The following DPP8 variants were observed in gnomAD, a reference collection of about 807,000 sequenced individuals.
The protein encoded by DPP8 is DPP VIII.
In DPP8, 31 loss-of-function variants were observed where a neutral mutation model predicts 107.5. That is an observed-to-expected ratio of 0.29 (90% CI 0.22 to 0.39). The LOEUF (loss-of-function observed/expected upper bound fraction) is 0.39, where lower values mean the gene tolerates loss of function less well. Among genes scored for constraint, DPP8 ranks in the 10% least tolerant of loss-of-function variants. The pLI is 1.00. For synonymous variants in DPP8, 381 were observed against 356.6 expected, an observed-to-expected ratio of 1.07 and a Z score of -0.77; for missense variants, 842 against 1,076.1, an observed-to-expected ratio of 0.78 and a Z score of 3.04.
At chr15:65,502,129 G>T (rs1232266214) in intron 3 of DPP8, among the ~76,000 whole-genome samples, 1 of 152,156 alleles carries the variant, frequency 6.6e-6, no homozygotes, top group Non-Finnish European at 1.5e-5. Context: ...GGCCTCAAGT[G>T]ATCTGCCCAC....
chr15:65,510,521 A>G (rs1022967426), intron 2 of DPP8, among the ~76,000 whole-genome samples: 1 of 148,124 alleles, frequency 6.8e-6, no homozygotes, highest in Admixed American at 6.8e-5. Context: ...GAATGTACAG[A>G]AGAGAAATAC....
intron 12 of DPP8, among the ~76,000 whole-genome samples, chr15:65,467,674 G>A (rs1308147116): frequency 2.0e-5 from 3 of 152,146 alleles, no homozygotes; most frequent in Non-Finnish European, 4.4e-5. Flanking sequence ...CACCATGCCT[G>A]GCTGTTTATG....
At position 65,452,111 on chromosome 15, in the gene DPP8, G is replaced by C; in HGVS notation, c.2272-9C>G. ...GCCCCAGCAATAGCAACCTGCATAA[G>C]ATGACATTGACAGTCAAGTGTGGTC... On this transcript the variant is annotated splice_polypyrimidine_tract_variant and intron_variant, in intron 17 of 19. Coordinates refer to ENST00000300141, the MANE Select transcript of DPP8 (RefSeq NM_130434.5). 1 of 1,598,306 alleles carries C rather than the reference G, an allele frequency of 6.3e-7. No individual in the cohort carries two copies.
At position 65,490,222 on chromosome 15, in the gene DPP8, A is replaced by C; in HGVS notation, c.793T>G (p.Ser265Ala). 6.2e-7 allele frequency: 1 copy of C among 1,612,106 alleles called. No homozygotes were observed. Among genetic ancestry groups the C allele is most frequent in the Non-Finnish European group, 8.5e-7 (1 of 1,178,140 alleles). The stretch of plus-strand genomic sequence containing the variant: ...GCTTTTGGACACCACCAATAGCCAG[A>C]ATATCTATCAAATTCTTCTTGGAGA... ...FVLQEEFDRY[S>A]GYWWCPKAET... Residue 265 changes from serine (S) to alanine (A), a missense_variant, in exon 6 of 20, where the codon TCT becomes GCT. Around this residue, in one of 2 missense-constraint regions of DPP8, gnomAD observed 663 missense variants for 758.0 expected, o/e 0.87. Transcript: ENST00000300141.
intron 11 of DPP8, chr15:65,475,550 C>T (rs575637352): frequency 1.2e-4 from 161 of 1,294,954 alleles, no homozygotes; most frequent in Admixed American, 1.9e-4. Flanking sequence ...CAATCCATCC[C>T]CAGGCACTGA....
chr15:65,504,980 T>A (rs2069770842), intron 3 of DPP8, among the ~76,000 whole-genome samples: 1 of 151,946 alleles, frequency 6.6e-6, no homozygotes, highest in African/African-American at 2.4e-5. Context: ...AGATGCTGTC[T>A]CAATTAAAAA....
chr15:65,477,810 G>A (rs1239068059), intron 11 of DPP8, among the ~76,000 whole-genome samples: 1 of 152,072 alleles, frequency 6.6e-6, no homozygotes, highest in Admixed American at 6.6e-5. Context: ...GGGATTACAG[G>A]CGTGAGCCAC....
intron 12 of DPP8, 53 bp from the exon 13 acceptor site, chr15:65,467,276 C>T: frequency 6.3e-7 from 1 of 1,581,010 alleles, no homozygotes. Flanking sequence ...CTTGGCAAAG[C>T]TAACCCCCAA....
At chr15:65,481,711 A>T (rs1422296147) in intron 8 of DPP8, 96 bp from the exon 9 acceptor site, 2 of 745,188 alleles carry the variant, frequency 2.7e-6, no homozygotes, top group Non-Finnish European at 4.1e-6. Flanking sequence ...AAAAGCAGAA[A>T]ATTTTTCCAG....
Position 65,465,159 on chromosome 15 carries a change from TG to T in DPP8, c.1826-1254del, listed in dbSNP as rs1253133945. 2.4e-4 allele frequency among the ~76,000 whole-genome samples: 36 copies of T among 150,718 alleles called. No individual in the cohort carries two copies. The East Asian group carries it at 3.9e-3, about 16-fold the overall frequency. On this transcript the variant is annotated intron_variant, in intron 14 of 19. Coordinates refer to ENST00000300141, the MANE Select transcript of DPP8 (RefSeq NM_130434.5). ...TATATTTTTTGGTTCTGTACTAATT[TG>T]TTTTTTCTTTTTTTTTTTTTTTTTT...
intron 14 of DPP8, 95 bp from the exon 15 acceptor site, chr15:65,464,001 C>T: frequency 1.1e-6 from 1 of 878,080 alleles, no homozygotes; most frequent in South Asian, 2.0e-5. Flanking sequence ...GTCAGCCCCG[C>T]CAACACAAAC....
At position 65,463,854 on chromosome 15, in the gene DPP8, A is replaced by C. The variant is rs757876927; in HGVS notation, c.1878T>G (p.Thr626=). 11 of 1,598,588 alleles carry C rather than the reference A, an allele frequency of 6.9e-6. No individual in the cohort carries two copies. The Admixed American group carries it at 1.6e-4, about 24-fold the overall frequency. ...PPEIFSFEST[T]GFTLYGMLYK... ...AGAGCATCCCATACAATGTAAATCC[A>C]GTAGTACTTTCAAAAGAGAAAATTT... Residue 626 remains threonine (T), a synonymous_variant, in exon 15 of 20, where the codon ACT becomes ACG. Transcript: ENST00000300141.
chr15:65,487,407 C>T (rs143277385), intron 7 of DPP8, among the ~76,000 whole-genome samples: 2,983 of 152,232 alleles, frequency 0.02, 98 homozygotes, highest in African/African-American at 0.067. Context: ...CCTCAGCTTC[C>T]CAAAGTGCTG....
chr15:65,470,894 G>A (rs1170614259), intron 12 of DPP8, among the ~76,000 whole-genome samples: 2 of 150,064 alleles, frequency 1.3e-5, no homozygotes, highest in African/African-American at 5.0e-5. Flanking sequence ...ACTCCAACCT[G>A]GGTGACAGAG....
rs978657769 is a variant in DPP8 at position 65,445,318 on chromosome 15, G to A, written c.*1566C>T. 2 of 152,180 alleles carry A rather than the reference G, an allele frequency of 1.3e-5. No individual in the cohort carries two copies. Among genetic ancestry groups the A allele is most frequent in the African/African-American group, 2.4e-5 (1 of 41,430 alleles). The allele number at this position is 152,180 out of a possible 1,614,324, so 9.4% of individuals were successfully genotyped here. On this transcript the variant is annotated 3_prime_UTR_variant, in exon 20 of 20. Coordinates refer to ENST00000300141, the MANE Select transcript of DPP8 (RefSeq NM_130434.5). ...AATTTTCTTGGAGTGTTGTTTAAAA[G>A]TATTGGTAATAACTTTCTAAACACT...
rs2063356495 is a variant in DPP8 at position 65,443,135 on chromosome 15, C to G, written c.*3749G>C. 6.6e-6 allele frequency: 1 copy of G among 152,082 alleles called. No individual in the cohort carries two copies. Among genetic ancestry groups the G allele is most frequent in the Non-Finnish European group, 1.5e-5 (1 of 68,020 alleles). 9.4% of individuals were successfully genotyped at this position (152,082 alleles called of 1,614,324 possible). ...TTTACTTTGGAATGGAAAAATTAAC[C>G]ATTTTTATGTGGTTACCTTTAAAAT... On this transcript the variant is annotated 3_prime_UTR_variant, in exon 20 of 20. Coordinates refer to ENST00000300141, the MANE Select transcript of DPP8 (RefSeq NM_130434.5).
intron 1 of DPP8, among the ~76,000 whole-genome samples, chr15:65,513,299 C>T (rs1280052241): frequency 2.0e-5 from 3 of 152,080 alleles, no homozygotes; most frequent in African/African-American, 7.2e-5. Context: ...TTGCAAGCTC[C>T]GCCTCCCAGG....
At chr15:65,467,671 C>A (rs192253952) in intron 12 of DPP8, among the ~76,000 whole-genome samples, 19 of 152,300 alleles carry the variant, frequency 1.2e-4, no homozygotes, top group African/African-American at 4.1e-4. Context: ...AGCCACCATG[C>A]CTGGCTGTTT....
chr15:65,448,689 AAAT>A lies in DPP8; in HGVS notation c.2527-1686_2527-1684del, dbSNP rs1408905852. Among the ~76,000 whole-genome samples the A allele has an allele frequency of 1.5e-4, 20 of 130,280 alleles. 1 individual carries two copies. The highest frequency in any genetic ancestry group is 8.1e-4 in the East Asian group (4 of 4,918). 85.5% of individuals were successfully genotyped at this position (130,280 alleles called of 152,430 possible). On this transcript the variant is annotated intron_variant, in intron 19 of 19. Transcript: ENST00000300141. ...TCCATCTCAAAAAAAAAAAAAAAAAAAATATATATATATATAAAATGTACATAT... is the reference window on the plus strand; with the variant it reads ...TCCATCTCAAAAAAAAAAAAAAAAAAATATATATATATAAAATGTACATAT...
Sources: gnomAD v4.1 joint callset for allele counts (sites outside exome capture counted in the v4.1 genomes callset) on GRCh38, gnomAD v4.1.1 for gene constraint, gnomAD v4.1.1 regional missense constraint, MANE v1.5 for transcripts, NCBI Gene and HGNC (gene_info 2026-07-23, HGNC 2026-07-21) for gene names.